Variants in FAM120A observed in about 807,000 individuals in gnomAD.
FAM120A encodes the protein family with sequence similarity 120 member A.
In FAM120A, 15 loss-of-function variants were observed where a neutral mutation model predicts 109.7. The observed-to-expected ratio is 0.14, with a 90% CI of 0.09 to 0.21. FAM120A has a LOEUF of 0.21. Ranked by LOEUF, FAM120A falls within the 10% of genes least tolerant of loss-of-function variation. The probability of loss-of-function intolerance (pLI) is 1.00; values close to 1 mark genes in which losing one functional copy is unlikely to be tolerated. For synonymous variants in FAM120A, 493 were observed against 572.8 expected, an observed-to-expected ratio of 0.86 and a Z score of 1.99; for missense variants, 899 against 1,439.3, an observed-to-expected ratio of 0.62 and a Z score of 6.07.
At chr9:93,491,981 ATTACT>A (rs1157754758) in intron 3 of FAM120A, among the ~76,000 whole-genome samples, 2 of 152,318 alleles carry the variant, frequency 1.3e-5, no homozygotes, top group East Asian at 3.9e-4. Context: ...GCAAGGGCAA[ATTACT>A]TTAACCCTCC....
At position 93,532,210 on chromosome 9, in the gene FAM120A, C is replaced by T. The variant is rs1416578852; in HGVS notation, c.1790C>T (p.Pro597Leu). Reference sequence around the variant, plus strand: ...GATGAAGCCAACAAGGACCTGCCTCCGGCCGCTCTGCTCTATAGGCCAGTT... The same window carrying T: ...GATGAAGCCAACAAGGACCTGCCTCTGGCCGCTCTGCTCTATAGGCCAGTT... The part of the protein sequence containing the change: ...IEDEANKDLP[P>L]AALLYRPVRQ... The change falls in exon 10 of 18, where the codon CCG (proline) becomes CTG (leucine). Residue 597 changes from proline (P) to leucine (L), a missense_variant. By Grantham distance (98) the Pro-to-Leu change is moderately conservative. This residue lies in a region of FAM120A where 133 missense variants were observed against 276.6 expected (regional missense o/e 0.48). Coordinates refer to ENST00000277165, the MANE Select transcript of FAM120A (RefSeq NM_014612.5). The surrounding 1 kb of genome is among the most constrained non-coding windows in gnomAD (Gnocchi z 4.3). The T allele has an allele frequency of 1.2e-6, 2 of 1,614,096 alleles. No individual in the cohort carries two copies. The highest frequency in any genetic ancestry group is 1.3e-5 in the African/African-American group (1 of 74,930).
intron 7 of FAM120A, among the ~76,000 whole-genome samples, chr9:93,526,399 C>T (rs1016813256): frequency 6.6e-6 from 1 of 152,136 alleles, no homozygotes; most frequent in Non-Finnish European, 1.5e-5. Flanking sequence ...TTTAAATGCT[C>T]ATTAAACCCA....
At chr9:93,474,676 C>G (rs1343522072) in intron 2 of FAM120A, among the ~76,000 whole-genome samples, 1 of 152,096 alleles carries the variant, frequency 6.6e-6, no homozygotes, top group African/African-American at 2.4e-5. Context: ...TCACTGCAAG[C>G]TCCGCCTCCC....
Position 93,527,231 on chromosome 9 carries a change from G to A in FAM120A, c.1495G>A (p.Asp499Asn), listed in dbSNP as rs1445633316. The change falls in exon 8 of 18, where the codon GAC (aspartate) becomes AAC (asparagine). Residue 499 changes from aspartate to asparagine, a missense_variant. Transcript: ENST00000277165. ...GCCTCAGGCACGAGGAGACCCAGGAGACCAAACAAAGGTAGAAAGTCTATG... is the reference window on the plus strand; with the variant it reads ...GCCTCAGGCACGAGGAGACCCAGGAAACCAAACAAAGGTAGAAAGTCTATG... ...SEPQARGDPG[D>N]QTKAEGSSTA... 1.2e-6 allele frequency: 2 copies of A among 1,613,886 alleles called. No homozygotes were observed. The highest frequency in any genetic ancestry group is 1.7e-5 in the Admixed American group (1 of 60,004).
chr9:93,552,081 C>T (rs981337542), intron 12 of FAM120A, among the ~76,000 whole-genome samples: 1 of 152,134 alleles, frequency 6.6e-6, no homozygotes, highest in African/African-American at 2.4e-5. Flanking sequence ...CATCCCTCTA[C>T]CTCTACTCCT....
At chr9:93,482,944 G>A (rs1858885185) in intron 3 of FAM120A, among the ~76,000 whole-genome samples, 1 of 152,192 alleles carries the variant, frequency 6.6e-6, no homozygotes, top group Non-Finnish European at 1.5e-5. Context: ...GCCAGCTTTT[G>A]TCCGAGAAGA....
intron 3 of FAM120A, among the ~76,000 whole-genome samples, chr9:93,497,060 T>C (rs1034677029): frequency 1.3e-5 from 2 of 152,198 alleles, no homozygotes; most frequent in Non-Finnish European, 2.9e-5. Flanking sequence ...CAGGCCTTCA[T>C]CTTTGTTGGT....
chr9:93,524,564 A>G (rs1338477702), intron 7 of FAM120A, among the ~76,000 whole-genome samples: 1 of 152,224 alleles, frequency 6.6e-6, no homozygotes, highest in Non-Finnish European at 1.5e-5. Flanking sequence ...CCAGCCACCA[A>G]GCTGACTTGC....
At chr9:93,518,825 T>C (rs1354735319) in intron 7 of FAM120A, among the ~76,000 whole-genome samples, 1 of 152,212 alleles carries the variant, frequency 6.6e-6, no homozygotes, top group Non-Finnish European at 1.5e-5. Context: ...GGGAAACATC[T>C]AGAGCAAACT....
chr9:93,501,105 G>A (rs1335320374), intron 5 of FAM120A, among the ~76,000 whole-genome samples: 1 of 152,208 alleles, frequency 6.6e-6, no homozygotes, highest in Non-Finnish European at 1.5e-5. Flanking sequence ...TGAGGAGCCT[G>A]AAGGAGCGCT....
intron 3 of FAM120A, among the ~76,000 whole-genome samples, chr9:93,477,958 A>G (rs959564371): frequency 2.0e-5 from 3 of 152,202 alleles, no homozygotes; most frequent in African/African-American, 7.2e-5. Flanking sequence ...TTGGTTCAAC[A>G]ATTATAAACA....
chr9:93,468,853 T>A (rs905012999), intron 1 of FAM120A, among the ~76,000 whole-genome samples: 1 of 152,220 alleles, frequency 6.6e-6, no homozygotes, highest in Non-Finnish European at 1.5e-5. Flanking sequence ...GTGAACGTTT[T>A]ACAGCTCTTG....
intron 3 of FAM120A, among the ~76,000 whole-genome samples, chr9:93,485,243 C>T (rs886227181): frequency 3.9e-5 from 6 of 152,064 alleles, no homozygotes; most frequent in African/African-American, 1.4e-4. Context: ...CCTGCCCAGC[C>T]AAATCTGGCA....
At chr9:93,499,993 C>T (rs1305702815) in intron 5 of FAM120A, among the ~76,000 whole-genome samples, 2 of 152,216 alleles carry the variant, frequency 1.3e-5, no homozygotes, top group Non-Finnish European at 2.9e-5. Context: ...GACAGGGAAA[C>T]ATGGCCTGTG....
chr9:93,551,670 G>C (rs972961882), intron 12 of FAM120A, among the ~76,000 whole-genome samples: 2 of 152,096 alleles, frequency 1.3e-5, no homozygotes, highest in African/African-American at 4.8e-5. Flanking sequence ...GTATTCAATA[G>C]TTGTTGCTTA....
chr9:93,473,821 C>T (rs1025276519), intron 2 of FAM120A, among the ~76,000 whole-genome samples: 1 of 152,104 alleles, frequency 6.6e-6, no homozygotes, highest in Non-Finnish European at 1.5e-5. Context: ...AAGGATATTT[C>T]CTCTGATGTT....
In FAM120A at chr9:93,563,980, G is replaced by A. The variant is rs569420231; in HGVS notation, c.3046-249G>A. ...CAAAGGATTAGACAGAGCTCCTGAA[G>A]GGGGAATCTCCCTCATTTTCAGGGT... On this transcript the variant is annotated intron_variant, in intron 17 of 17. Transcript: ENST00000277165. Among the ~76,000 whole-genome samples, 3 of 152,318 alleles carry A rather than the reference G, an allele frequency of 2.0e-5. No homozygotes were observed. The South Asian group carries it at 6.2e-4, about 32-fold the overall frequency.
At chr9:93,528,839 G>A (rs1861200833) in intron 8 of FAM120A, among the ~76,000 whole-genome samples, 1 of 152,006 alleles carries the variant, frequency 6.6e-6, no homozygotes, top group South Asian at 2.1e-4. Flanking sequence ...TACCAGCTGT[G>A]GCATGGAGTC....
At chr9:93,541,875 A>G (rs1399147262) in intron 10 of FAM120A, among the ~76,000 whole-genome samples, 1 of 151,766 alleles carries the variant, frequency 6.6e-6, no homozygotes, top group Non-Finnish European at 1.5e-5. Flanking sequence ...GTATTTAAGC[A>G]TTTTTTTTCT....
Sources: allele counts gnomAD v4.1 joint callset (sites outside exome capture counted in the v4.1 genomes callset), GRCh38; gene constraint gnomAD v4.1.1; regional missense constraint gnomAD v4.1.1; non-coding constraint Gnocchi (gnomAD v3.1); transcripts MANE v1.5; gene names NCBI Gene and HGNC (gene_info 2026-07-23, HGNC 2026-07-21).